NSDHL: variants seen among roughly 807,000 people sequenced by gnomAD.
NSDHL encodes the protein sterol-4-alpha-carboxylate 3-dehydrogenase, decarboxylating.
NSDHL carries 1 observed loss-of-function variant against 23.0 expected under a neutral mutation model. The observed-to-expected ratio is 0.04, with a 90% CI of 0.02 to 0.21. The LOEUF (loss-of-function observed/expected upper bound fraction) is 0.21, where lower values mean the gene tolerates loss of function less well. Among genes scored for constraint, NSDHL ranks in the 10% least tolerant of loss-of-function variants. The pLI is 1.00. For missense variants in NSDHL, 237 were observed against 300.9 expected (o/e 0.79, Z 1.57); for synonymous variants, 128 against 121.1 (o/e 1.06, Z -0.37).
Position 152,850,702 on chromosome X carries a change from C to T in NSDHL, c.267+279C>T, listed in dbSNP as rs189089329. On this transcript the variant is annotated intron_variant, in intron 3 of 7. Coordinates refer to ENST00000370274, the MANE Select transcript of NSDHL (RefSeq NM_015922.3). ...GCTGTATGCCAGTGAAACTTGACTTCAAAAGCCGTCCATGGGCTGTATTGT... is the reference window on the plus strand; with the variant it reads ...GCTGTATGCCAGTGAAACTTGACTTTAAAAGCCGTCCATGGGCTGTATTGT... Among the ~76,000 whole-genome samples, 1,717 of 112,398 alleles carry T rather than the reference C, an allele frequency of 0.015. 21 individuals are homozygous for T. The highest frequency in any genetic ancestry group is 0.026 in the Non-Finnish European group (1,405 of 53,276).
chrX:152,841,850 A>G (rs782368214), intron 1 of NSDHL, among the ~76,000 whole-genome samples: 71 of 111,926 alleles, frequency 6.3e-4, no homozygotes, highest in Non-Finnish European at 1.1e-3. Flanking sequence ...GTTGAGTGGC[A>G]TTACATGCAT....
At chrX:152,854,962 A>G (rs1933419748) in intron 3 of NSDHL, among the ~76,000 whole-genome samples, 1 of 110,037 alleles carries the variant, frequency 9.1e-6, no homozygotes, top group African/African-American at 3.3e-5. Flanking sequence ...ATATAGTTAT[A>G]TAGTTTTATA....
intron 2 of NSDHL, among the ~76,000 whole-genome samples, chrX:152,849,743 C>T (rs1933326468): frequency 8.9e-6 from 1 of 112,700 alleles, no homozygotes; most frequent in Non-Finnish European, 1.9e-5. Context: ...CACAGCCCAG[C>T]CCTGTTGTGG....
At chrX:152,852,243 C>T (rs201898230) in intron 3 of NSDHL, among the ~76,000 whole-genome samples, 48 of 111,172 alleles carry the variant, frequency 4.3e-4, no homozygotes, top group East Asian at 2.0e-3. Context: ...GTGGGTGAGA[C>T]GGAGAAAGAG....
chrX:152,837,738 G>A (rs782252982), intron 1 of NSDHL, among the ~76,000 whole-genome samples: 1 of 111,920 alleles, frequency 8.9e-6, no homozygotes, highest in African/African-American at 3.3e-5. Flanking sequence ...GTTCATCAGG[G>A]ATATTGGTCT....
intron 2 of NSDHL, among the ~76,000 whole-genome samples, chrX:152,848,329 A>C (rs1209383359): frequency 8.9e-6 from 1 of 112,061 alleles, no homozygotes; most frequent in Admixed American, 9.5e-5. Flanking sequence ...GAAAAGTTTC[A>C]TGTGATCTCC....
chrX:152,843,107 A>G (rs782696814), intron 1 of NSDHL, among the ~76,000 whole-genome samples: 31 of 112,138 alleles, frequency 2.8e-4, no homozygotes, highest in African/African-American at 9.1e-4. Context: ...TTTTGTTTTG[A>G]CAAGAGGCTG....
intron 2 of NSDHL, among the ~76,000 whole-genome samples, chrX:152,847,158 C>T (rs1002773520): frequency 2.4e-4 from 27 of 111,212 alleles, no homozygotes; most frequent in African/African-American, 7.9e-4. Flanking sequence ...AAAAAATTAG[C>T]CAGGCATGGT....
Position 152,863,190 on chromosome X carries a change from G to A in NSDHL, c.543+466G>A, listed in dbSNP as rs1933555361. Among the ~76,000 whole-genome samples the A allele has an allele frequency of 2.7e-5, 3 of 111,576 alleles. No individual in the cohort carries two copies. The South Asian group carries it at 1.1e-3, about 42-fold the overall frequency. ...CCCAAAAAAAAAAAAGTTACTATGA[G>A]AACAGCTTTATGTGGCCAGACACTG... On this transcript the variant is annotated intron_variant, in intron 5 of 7. Transcript: ENST00000370274.
In NSDHL at chrX:152,842,595, G is replaced by A. The variant is rs782054469; in HGVS notation, c.-43-3687G>A. Reference sequence around the variant, plus strand: ...TGGCTCACTGCAACCTCTGCCTCCCGGGTTCAAGTGATTCTCCTGCCTCAG... The same window carrying A: ...TGGCTCACTGCAACCTCTGCCTCCCAGGTTCAAGTGATTCTCCTGCCTCAG... On this transcript the variant is annotated intron_variant, in intron 1 of 7. Transcript: ENST00000370274. Among the ~76,000 whole-genome samples, 82 of 111,414 alleles carry A rather than the reference G, an allele frequency of 7.4e-4. 1 individual carries two copies. Among genetic ancestry groups the A allele is most frequent in the African/African-American group, 2.6e-3 (79 of 30,591 alleles).
At chrX:152,864,950 A>G (rs1225193924) in intron 5 of NSDHL, among the ~76,000 whole-genome samples, 1 of 112,091 alleles carries the variant, frequency 8.9e-6, no homozygotes, top group African/African-American at 3.2e-5. Context: ...CAGGAACCGT[A>G]CTTACCAAGC....
chrX:152,867,814 C>A, intron 7 of NSDHL, 141 bp downstream of exon 7: 1 of 518,588 alleles, frequency 1.9e-6, no homozygotes, highest in Non-Finnish European at 3.4e-6. Flanking sequence ...AAGATCAAGC[C>A]CCTCTGATAG....
intron 1 of NSDHL, among the ~76,000 whole-genome samples, chrX:152,838,783 G>A (rs1187522216): frequency 1.8e-5 from 2 of 111,728 alleles, no homozygotes; most frequent in Non-Finnish European, 3.8e-5. Context: ...TGTTGATTTG[G>A]GGTGGAGAGT....
chrX:152,837,361 C>T (rs1374905687), intron 1 of NSDHL, among the ~76,000 whole-genome samples: 1 of 111,568 alleles, frequency 9.0e-6, no homozygotes, highest in Non-Finnish European at 1.9e-5. Flanking sequence ...AGAGGGGACC[C>T]CTCTCTTGTG....
intron 2 of NSDHL, among the ~76,000 whole-genome samples, chrX:152,849,191 A>G (rs1471432620): frequency 8.9e-6 from 1 of 112,197 alleles, no homozygotes; most frequent in Admixed American, 9.4e-5. Flanking sequence ...GCATAGCTCA[A>G]TTGTGTTGAT....
chrX:152,863,974 C>T (rs782516237), intron 5 of NSDHL, among the ~76,000 whole-genome samples: 7 of 109,703 alleles, frequency 6.4e-5, no homozygotes, highest in African/African-American at 1.7e-4. Context: ...TGCAGTGGCA[C>T]GATCTCGGCT....
Position 152,858,694 on chromosome X carries a change from T to C in NSDHL, c.268-76T>C, listed in dbSNP as rs201564374. The C allele has an allele frequency of 7.7e-4, 711 of 926,555 alleles. 4 individuals are homozygous for C. The South Asian group carries it at 0.011, about 14-fold the overall frequency. 76.4% of individuals were successfully genotyped at this position (926,555 alleles called of 1,213,427 possible). A position where few individuals can be genotyped will look rare whatever the true frequency, so the allele number is the denominator to read the frequency against. On this transcript the variant is annotated intron_variant, in intron 3 of 7. Coordinates refer to ENST00000370274, the MANE Select transcript of NSDHL (RefSeq NM_015922.3). ...GACAAGGAACCTACAAGCCACAGGT[T>C]GGAGGGTGAAAACATGAGAATGCCA...
chrX:152,841,090 A>C (rs1556844814), intron 1 of NSDHL, among the ~76,000 whole-genome samples: 1 of 113,019 alleles, frequency 8.8e-6, no homozygotes, highest in Non-Finnish European at 1.9e-5. Context: ...GCAAGGCTCC[A>C]TGGCCATGGG....
intron 2 of NSDHL, 57 bp downstream of exon 2, chrX:152,846,489 G>A (rs1325837196): frequency 2.5e-6 from 2 of 789,094 alleles, no homozygotes; most frequent in Non-Finnish European, 3.9e-6. Flanking sequence ...ACCTGTGGGT[G>A]AAAAATTGTA....
Sources: allele counts gnomAD v4.1 joint callset (sites outside exome capture counted in the v4.1 genomes callset), GRCh38; gene constraint gnomAD v4.1.1; transcripts MANE v1.5; gene names NCBI Gene and HGNC (gene_info 2026-07-23, HGNC 2026-07-21).